ZC3H12B: variants seen among roughly 807,000 people sequenced by gnomAD.
ZC3H12B encodes probable ribonuclease ZC3H12B.
In ZC3H12B, 7 loss-of-function variants were observed where a neutral mutation model predicts 43.9. The observed-to-expected ratio is 0.16, with a 90% CI of 0.09 to 0.30. ZC3H12B has a LOEUF of 0.30. Ranked by LOEUF, ZC3H12B falls within the 10% of genes least tolerant of loss-of-function variation. ZC3H12B has a pLI of 1.00. For synonymous variants in ZC3H12B, 222 were observed against 241.7 expected (o/e 0.92, Z 0.76); for missense variants, 475 against 670.2 (o/e 0.71, Z 3.22).
the ZC3H12B span, among the ~76,000 whole-genome samples, chrX:65,207,670 G>C: frequency 3.0e-5 from 3 of 100,341 alleles, no homozygotes; most frequent in African/African-American, 1.1e-4. Flanking sequence ...GCTCTTTTTT[G>C]GTTCCATATG....
At chrX:65,411,126 A>G (rs1034494309) in intron 3 of ZC3H12B, among the ~76,000 whole-genome samples, 1 of 112,585 alleles carries the variant, frequency 8.9e-6, no homozygotes, top group Non-Finnish European at 1.9e-5. Context: ...CTACTAAGCC[A>G]TAAAAATGAG....
the ZC3H12B span, among the ~76,000 whole-genome samples, chrX:65,126,773 G>C: frequency 9.8e-6 from 1 of 102,132 alleles, no homozygotes; most frequent in Non-Finnish European, 2.0e-5. Flanking sequence ...TCTTCTGCTT[G>C]TTCAATTCTA....
At chrX:65,132,917 G>T in the ZC3H12B span, among the ~76,000 whole-genome samples, 1 of 111,770 alleles carries the variant, frequency 8.9e-6, no homozygotes, top group African/African-American at 3.3e-5. Context: ...GTTAAGCTGA[G>T]AAGATCTGGG....
the ZC3H12B span, among the ~76,000 whole-genome samples, chrX:65,273,976 G>A: frequency 1.8e-5 from 2 of 112,205 alleles, no homozygotes; most frequent in African/African-American, 3.2e-5. Context: ...TTTTACTGCA[G>A]TGTCAAAGGA....
the ZC3H12B span, among the ~76,000 whole-genome samples, chrX:65,097,983 A>G: frequency 9.0e-6 from 1 of 111,482 alleles, no homozygotes; most frequent in Non-Finnish European, 1.9e-5. Context: ...TGACTTCATT[A>G]AAGAGCTGCT....
At chrX:65,096,927 A>G in the ZC3H12B span, among the ~76,000 whole-genome samples, 2 of 111,789 alleles carry the variant, frequency 1.8e-5, no homozygotes, top group East Asian at 5.6e-4. Flanking sequence ...GGAGTCCTAT[A>G]AACTTTTCAA....
the ZC3H12B span, among the ~76,000 whole-genome samples, chrX:65,135,713 A>T: frequency 1.1e-5 from 1 of 90,295 alleles, no homozygotes; most frequent in Admixed American, 1.2e-4. Flanking sequence ...TTTTTTTTTT[A>T]GCCACACATG....
the ZC3H12B span, among the ~76,000 whole-genome samples, chrX:65,192,053 T>C: frequency 9.0e-6 from 1 of 110,644 alleles, no homozygotes; most frequent in Non-Finnish European, 1.9e-5. Context: ...TTCATTTCAT[T>C]ATGTACCCAG....
chrX:65,105,782 G>T, the ZC3H12B span, among the ~76,000 whole-genome samples: 2 of 111,133 alleles, frequency 1.8e-5, no homozygotes, highest in African/African-American at 6.5e-5. Context: ...AACTGCTTGG[G>T]TGGTGATAGG....
the ZC3H12B span, among the ~76,000 whole-genome samples, chrX:65,055,481 G>A: frequency 2.3e-3 from 261 of 111,586 alleles, 2 homozygotes; most frequent in Non-Finnish European, 4.2e-3. Context: ...TGCTGGATTC[G>A]GTTTGCCAGT....
the ZC3H12B span, among the ~76,000 whole-genome samples, chrX:65,173,573 CTTA>C: frequency 3.6e-5 from 4 of 111,449 alleles, no homozygotes; most frequent in African/African-American, 6.5e-5. Context: ...ATAAACAGCT[CTTA>C]TTATTTTGAG....
At chrX:65,473,888 CAT>C (rs915403478) in intron 3 of ZC3H12B, among the ~76,000 whole-genome samples, 17 of 112,191 alleles carry the variant, frequency 1.5e-4, no homozygotes, top group African/African-American at 4.5e-4. Flanking sequence ...TGTGACCTAA[CAT>C]GTGATCTATC....
intron 2 of ZC3H12B, among the ~76,000 whole-genome samples, chrX:65,387,099 G>A (rs2066538576): frequency 8.9e-6 from 1 of 111,877 alleles, no homozygotes; most frequent in African/African-American, 3.3e-5. Context: ...GTGCAGTGTG[G>A]TGCTGAGAAG....
chrX:65,461,285 G>A (rs997505803), intron 3 of ZC3H12B, among the ~76,000 whole-genome samples: 2 of 112,101 alleles, frequency 1.8e-5, no homozygotes, highest in Non-Finnish European at 3.8e-5. Context: ...CATTGTGGAA[G>A]TCAGTGTGGC....
At chrX:65,229,196 A>G in the ZC3H12B span, among the ~76,000 whole-genome samples, 2 of 111,104 alleles carry the variant, frequency 1.8e-5, no homozygotes, top group Non-Finnish European at 3.8e-5. Context: ...ATATAGATCA[A>G]TGGAACACAA....
chrX:65,389,188 C>T (rs1300058503), intron 2 of ZC3H12B, among the ~76,000 whole-genome samples: 1 of 112,252 alleles, frequency 8.9e-6, no homozygotes, highest in African/African-American at 3.2e-5. Flanking sequence ...TTTAAGTCTG[C>T]AGAGGATTCT....
At chrX:65,444,470 T>C (rs889337039) in intron 3 of ZC3H12B, among the ~76,000 whole-genome samples, 1 of 112,512 alleles carries the variant, frequency 8.9e-6, no homozygotes, top group East Asian at 2.8e-4. Context: ...TCTCTTCTCT[T>C]GTCTGCCAAC....
At chrX:65,442,831 G>T (rs1248257835) in intron 3 of ZC3H12B, among the ~76,000 whole-genome samples, 1 of 111,769 alleles carries the variant, frequency 8.9e-6, no homozygotes, top group Non-Finnish European at 1.9e-5. Context: ...GATCTGGGGG[G>T]TGTATTCTAA....
the ZC3H12B span, among the ~76,000 whole-genome samples, chrX:65,346,992 T>G: frequency 1.4e-4 from 16 of 112,085 alleles, no homozygotes; most frequent in South Asian, 5.9e-3. Flanking sequence ...ACCTGACACC[T>G]GTGTATTCTG....
Sources: allele counts gnomAD v4.1 joint callset (sites outside exome capture counted in the v4.1 genomes callset), GRCh38; gene constraint gnomAD v4.1.1; transcripts MANE v1.5; gene names NCBI Gene and HGNC (gene_info 2026-07-23, HGNC 2026-07-21).